Variants in METTL15 observed in about 807,000 individuals in gnomAD.
METTL15 encodes the protein methyltransferase 15, mitochondrial 12S rRNA N4-cytidine.
A neutral mutation model predicts 38.3 loss-of-function variants in METTL15; 34 were observed. The ratio of observed to expected loss-of-function variants is 0.89; its 90% CI spans 0.68 to 1.18. The LOEUF is 1.18. METTL15 is among the 50% of genes most tolerant of loss of function. The pLI is 0.00. For synonymous variants in METTL15, 162 were observed against 170.9 expected, an observed-to-expected ratio of 0.95 and a Z score of 0.41; for missense variants, 438 against 498.4, an observed-to-expected ratio of 0.88 and a Z score of 1.15.
intron 3 of METTL15, among the ~76,000 whole-genome samples, chr11:28,177,673 A>G: frequency 6.6e-6 from 1 of 152,070 alleles, no homozygotes; most frequent in East Asian, 1.9e-4. Context: ...TGTTTTCTAC[A>G]TTTAATTTAT....
At chr11:28,278,166 T>C (rs1855913990) in intron 4 of METTL15, among the ~76,000 whole-genome samples, 1 of 151,986 alleles carries the variant, frequency 6.6e-6, no homozygotes, top group Non-Finnish European at 1.5e-5. Flanking sequence ...CACCAAGCAT[T>C]GTATAGGCCT....
rs566304367 is a variant in METTL15 at position 28,195,400 on chromosome 11, T to A, written c.271-15662T>A. On this transcript the variant is annotated intron_variant, in intron 3 of 6. Transcript: ENST00000407364. ...CTATTGTTTTTTGACTTTATAATAATGCTGTTCTGGCTGGGGTAAGGTGGT... is the reference window on the plus strand; with the variant it reads ...CTATTGTTTTTTGACTTTATAATAAAGCTGTTCTGGCTGGGGTAAGGTGGT... 8.5e-5 allele frequency among the ~76,000 whole-genome samples: 13 copies of A among 152,166 alleles called. No homozygotes were observed. The South Asian group carries it at 2.7e-3, about 32-fold the overall frequency.
At chr11:28,405,620 G>A (rs983977971) in intron 5 of METTL15, among the ~76,000 whole-genome samples, 2 of 152,112 alleles carry the variant, frequency 1.3e-5, no homozygotes, top group Non-Finnish European at 2.9e-5. Flanking sequence ...AAGACCTACA[G>A]TAAAATGTAA....
chr11:28,485,145 A>C (rs1167098240), intron 6 of METTL15, among the ~76,000 whole-genome samples: 5 of 149,244 alleles, frequency 3.4e-5, no homozygotes, highest in African/African-American at 7.4e-5. Flanking sequence ...ACACACTCAC[A>C]CCCCACAGAG....
intron 6 of METTL15, among the ~76,000 whole-genome samples, chr11:28,433,143 C>T (rs1366544733): frequency 6.7e-6 from 1 of 149,776 alleles, no homozygotes; most frequent in African/African-American, 2.4e-5. Flanking sequence ...CCTTGCAGGA[C>T]TTCTCTCAGG....
intron 4 of METTL15, among the ~76,000 whole-genome samples, chr11:28,253,464 T>C (rs1376120990): frequency 2.0e-5 from 3 of 152,222 alleles, no homozygotes; most frequent in African/African-American, 7.2e-5. Flanking sequence ...ATCAATCTAA[T>C]TGTACTCTTT....
At chr11:28,354,482 A>T (rs1189075617) in intron 4 of METTL15, among the ~76,000 whole-genome samples, 2 of 152,162 alleles carry the variant, frequency 1.3e-5, no homozygotes, top group African/African-American at 4.8e-5. Flanking sequence ...GTCGTTTTAG[A>T]TTTATTTTTA....
At chr11:28,461,524 C>T (rs1021925468) in intron 6 of METTL15, among the ~76,000 whole-genome samples, 15 of 151,924 alleles carry the variant, frequency 9.9e-5, no homozygotes, top group African/African-American at 3.6e-4. Context: ...CAATGTAGCT[C>T]ATTGCATAAT....
chr11:28,389,867 A>G (rs1426628023), intron 5 of METTL15, among the ~76,000 whole-genome samples: 2 of 151,574 alleles, frequency 1.3e-5, no homozygotes, highest in African/African-American at 4.9e-5. Context: ...AAGTGTTCCT[A>G]TTTCTCCACA....
At chr11:28,480,514 C>T (rs572145596) in intron 6 of METTL15, among the ~76,000 whole-genome samples, 19 of 152,278 alleles carry the variant, frequency 1.2e-4, no homozygotes, top group African/African-American at 4.1e-4. Flanking sequence ...ACAATCTGCT[C>T]ACCAATACCT....
At chr11:28,165,797 T>C (rs915363568) in intron 3 of METTL15, among the ~76,000 whole-genome samples, 5 of 152,132 alleles carry the variant, frequency 3.3e-5, no homozygotes, top group African/African-American at 1.2e-4. Flanking sequence ...TGATAATGTA[T>C]TTAAGTCTTC....
chr11:28,447,368 C>A (rs1851083836), intron 6 of METTL15, among the ~76,000 whole-genome samples: 1 of 152,128 alleles, frequency 6.6e-6, no homozygotes, highest in Admixed American at 6.5e-5. Flanking sequence ...CATCTATTAC[C>A]CATAAACCAC....
intron 6 of METTL15, among the ~76,000 whole-genome samples, chr11:28,314,005 A>G (rs1189650047): frequency 2.0e-5 from 3 of 152,192 alleles, no homozygotes; most frequent in Non-Finnish European, 4.4e-5. Flanking sequence ...ATTTAGTGGT[A>G]TAGAGCAGGT....
chr11:28,373,182 T>C (rs1276276991), intron 5 of METTL15, among the ~76,000 whole-genome samples: 2 of 152,150 alleles, frequency 1.3e-5, no homozygotes, highest in African/African-American at 4.8e-5. Flanking sequence ...TCTAGATCCC[T>C]GAGGAATCGC....
chr11:28,109,291 C>T (rs1851616668), intron 1 of METTL15, among the ~76,000 whole-genome samples: 1 of 152,118 alleles, frequency 6.6e-6, no homozygotes, highest in Non-Finnish European at 1.5e-5. Context: ...GGCTGTATTA[C>T]GTGTATCTTA....
intron 6 of METTL15, among the ~76,000 whole-genome samples, chr11:28,432,885 C>T (rs1850944833): frequency 6.6e-6 from 1 of 151,836 alleles, no homozygotes; most frequent in African/African-American, 2.4e-5. Flanking sequence ...TAGCAACAAA[C>T]TCCCAGAGCA....
At chr11:28,113,641 G>C in intron 3 of METTL15, 37 bp downstream of exon 3, 1 of 1,590,424 alleles carries the variant, frequency 6.3e-7, no homozygotes, top group Non-Finnish European at 8.6e-7. Flanking sequence ...AGTTTTTGTT[G>C]AGATAAAATT....
At chr11:28,272,581 C>T (rs1402052912) in intron 4 of METTL15, among the ~76,000 whole-genome samples, 1 of 152,084 alleles carries the variant, frequency 6.6e-6, no homozygotes, top group African/African-American at 2.4e-5. Context: ...GGTGTGCGTT[C>T]AGGACAGGGA....
rs936597311 is a variant in METTL15 at position 28,357,796 on chromosome 11, C to T, written c.*259-4141C>T. Among the ~76,000 whole-genome samples the T allele has an allele frequency of 3.9e-5, 6 of 152,124 alleles. No individual in the cohort carries two copies. The East Asian group carries it at 5.8e-4, about 15-fold the overall frequency. ...AGTGCACAGAAATCTTCATTTCTTTCGGGATTGCCTTGGGTTTAGTATATC... is the reference window on the plus strand; with the variant it reads ...AGTGCACAGAAATCTTCATTTCTTTTGGGATTGCCTTGGGTTTAGTATATC... On this transcript the variant is annotated intron_variant and NMD_transcript_variant, in intron 4 of 7. Transcript: ENST00000532947.
Sources: gnomAD v4.1 joint callset for allele counts (sites outside exome capture counted in the v4.1 genomes callset) on GRCh38, gnomAD v4.1.1 for gene constraint, MANE v1.5 for transcripts, NCBI Gene and HGNC (gene_info 2026-07-23, HGNC 2026-07-21) for gene names.